The following DACH2 variants were observed in gnomAD, a reference collection of about 807,000 sequenced individuals.
The protein encoded by DACH2 is dachshund family transcription factor 2.
In DACH2, 17 loss-of-function variants were observed where a neutral mutation model predicts 35.8. The ratio of observed to expected loss-of-function variants is 0.48; its 90% CI spans 0.33 to 0.71. The LOEUF (loss-of-function observed/expected upper bound fraction) is 0.71. Ranked by LOEUF, DACH2 falls within the 30% of genes least tolerant of loss-of-function variation. The probability of loss-of-function intolerance (pLI) is 0.02; values close to 1 mark genes in which losing one functional copy is unlikely to be tolerated. For missense variants in DACH2, 469 were observed against 472.7 expected, an observed-to-expected ratio of 0.99 and a Z score of 0.07; for synonymous variants, 195 against 177.3, an observed-to-expected ratio of 1.10 and a Z score of -0.79.
chrX:86,685,656 C>T (rs977114828), intron 4 of DACH2, among the ~76,000 whole-genome samples: 1 of 111,301 alleles, frequency 9.0e-6, no homozygotes, highest in Non-Finnish European at 1.9e-5. Context: ...GGTGGTTCTG[C>T]TTGGCTTCTG....
intron 3 of DACH2, among the ~76,000 whole-genome samples, chrX:86,601,285 T>G (rs2039786116): frequency 8.9e-6 from 1 of 111,850 alleles, no homozygotes; most frequent in Non-Finnish European, 1.9e-5. Context: ...TTTAAAAAAT[T>G]CAAATATTAA....
At chrX:86,815,119 C>T (rs1191438936) in intron 10 of DACH2, among the ~76,000 whole-genome samples, 1 of 111,493 alleles carries the variant, frequency 9.0e-6, no homozygotes, top group Non-Finnish European at 1.9e-5. Flanking sequence ...CACTGATAAC[C>T]ACCCTGCACC....
intron 1 of DACH2, among the ~76,000 whole-genome samples, chrX:86,170,122 T>C (rs1356610151): frequency 9.0e-6 from 1 of 111,699 alleles, no homozygotes; most frequent in Non-Finnish European, 1.9e-5. Context: ...CGACAAGATC[T>C]GGGAGAATTT....
At chrX:86,563,800 G>T (rs984867323) in intron 3 of DACH2, among the ~76,000 whole-genome samples, 1 of 110,479 alleles carries the variant, frequency 9.1e-6, no homozygotes, top group African/African-American at 3.3e-5. Flanking sequence ...GCCCACCTCT[G>T]TAAAACACCA....
At chrX:86,410,671 G>A (rs1404030527) in intron 2 of DACH2, among the ~76,000 whole-genome samples, 1 of 110,654 alleles carries the variant, frequency 9.0e-6, no homozygotes, top group Admixed American at 9.7e-5. Context: ...TGGATTTTCT[G>A]CCATTACCCT....
intron 5 of DACH2, among the ~76,000 whole-genome samples, chrX:86,698,521 G>GTGTTTTTTTT (rs2041096546): frequency 2.4e-4 from 8 of 32,957 alleles, no homozygotes; most frequent in African/African-American, 1.2e-3. Flanking sequence ...TTAGTTTTGT[G>GTGTTTTTTTT]TTTTTTTTTT....
chrX:86,234,308 A>G (rs772380374), intron 1 of DACH2, among the ~76,000 whole-genome samples: 17 of 111,771 alleles, frequency 1.5e-4, no homozygotes, highest in Non-Finnish European at 3.0e-4. Context: ...ATCTACAACA[A>G]TTGGTATTCT....
chrX:86,735,966 G>A (rs1409008160), intron 6 of DACH2, among the ~76,000 whole-genome samples: 1 of 111,459 alleles, frequency 9.0e-6, no homozygotes, highest in African/African-American at 3.2e-5. Flanking sequence ...TTAACTTGCT[G>A]TGAAATTTTA....
intron 3 of DACH2, among the ~76,000 whole-genome samples, chrX:86,601,361 C>T (rs1176569310): frequency 1.8e-5 from 2 of 111,713 alleles, no homozygotes; most frequent in Non-Finnish European, 3.8e-5. Context: ...TACTTAGTTA[C>T]AGTAAAGAAA....
At position 86,586,352 on chromosome X, in the gene DACH2, A is replaced by G. The variant is rs139907720; in HGVS notation, c.641-64684A>G. Reference sequence around the variant, plus strand: ...GCATAGTTTGCAAATATTTTCCCCTATTCTTTGGGTTGTCTGTTTACTCCG... The same window carrying G: ...GCATAGTTTGCAAATATTTTCCCCTGTTCTTTGGGTTGTCTGTTTACTCCG... On this transcript the variant is annotated intron_variant, in intron 3 of 11. Transcript: ENST00000373125. 3.5e-3 allele frequency among the ~76,000 whole-genome samples: 385 copies of G among 111,105 alleles called. 2 individuals carry two copies. Among genetic ancestry groups the G allele is most frequent in the Non-Finnish European group, 5.4e-3 (283 of 52,826 alleles).
chrX:86,569,400 C>A (rs1466111752), intron 3 of DACH2, among the ~76,000 whole-genome samples: 1 of 111,084 alleles, frequency 9.0e-6, no homozygotes, highest in Non-Finnish European at 1.9e-5. Context: ...AAGTTCTCAA[C>A]CATTTGCATT....
chrX:86,498,893 T>A (rs2038210274), intron 2 of DACH2, among the ~76,000 whole-genome samples: 1 of 112,124 alleles, frequency 8.9e-6, no homozygotes, highest in African/African-American at 3.2e-5. Context: ...TCTTTGTTGT[T>A]CTTAATCTAG....
intron 3 of DACH2, among the ~76,000 whole-genome samples, chrX:86,611,443 C>T (rs1009110990): frequency 2.7e-5 from 3 of 111,012 alleles, no homozygotes; most frequent in African/African-American, 9.8e-5. Context: ...GTTACATGCC[C>T]CTTAAGTCCA....
At chrX:86,709,512 T>G (rs934577740) in intron 5 of DACH2, among the ~76,000 whole-genome samples, 1 of 111,840 alleles carries the variant, frequency 8.9e-6, no homozygotes, top group Non-Finnish European at 1.9e-5. Flanking sequence ...TGGTTTTAGA[T>G]ACAATATCAA....
At chrX:86,295,277 T>A (rs2034424045) in intron 1 of DACH2, among the ~76,000 whole-genome samples, 1 of 112,113 alleles carries the variant, frequency 8.9e-6, no homozygotes, top group African/African-American at 3.2e-5. Context: ...CTGCTTCGGC[T>A]CGCGCACGGT....
intron 1 of DACH2, among the ~76,000 whole-genome samples, chrX:86,362,591 T>A (rs2035753960): frequency 9.0e-6 from 1 of 111,415 alleles, no homozygotes; most frequent in African/African-American, 3.2e-5. Flanking sequence ...TGTTTGGAAA[T>A]GACAGCAGAT....
intron 5 of DACH2, among the ~76,000 whole-genome samples, chrX:86,710,751 AG>A (rs1293904817): frequency 9.0e-6 from 1 of 111,594 alleles, no homozygotes; most frequent in East Asian, 2.8e-4. Flanking sequence ...ACAACCAGAA[AG>A]GTAATTTTGG....
At chrX:86,579,089 C>A (rs1323950759) in intron 3 of DACH2, among the ~76,000 whole-genome samples, 1 of 107,630 alleles carries the variant, frequency 9.3e-6, no homozygotes, top group Non-Finnish European at 1.9e-5. Context: ...TTATTGTTCA[C>A]TTTTTAGTTT....
At chrX:86,605,502 AT>A (rs1320644112) in intron 3 of DACH2, among the ~76,000 whole-genome samples, 1 of 111,146 alleles carries the variant, frequency 9.0e-6, no homozygotes, top group Non-Finnish European at 1.9e-5. Context: ...TTTAAAAAAA[AT>A]CTTTGTTCTT....
Sources: gnomAD v4.1 joint callset for allele counts (sites outside exome capture counted in the v4.1 genomes callset) on GRCh38, gnomAD v4.1.1 for gene constraint, MANE v1.5 for transcripts, NCBI Gene and HGNC (gene_info 2026-07-23, HGNC 2026-07-21) for gene names.